Variants in ATRNL1 observed in about 807,000 individuals in gnomAD.
The protein encoded by ATRNL1 is attractin-like protein 1.
Under a neutral mutation model 182.7 loss-of-function variants are expected in ATRNL1, and 95 were observed. The ratio of observed to expected loss-of-function variants is 0.52; its 90% confidence interval spans 0.44 to 0.62. The LOEUF (loss-of-function observed/expected upper bound fraction) is 0.62. Among genes scored for constraint, ATRNL1 ranks in the 20% least tolerant of loss-of-function variants. The pLI is 0.00. For synonymous variants in ATRNL1, 576 were observed against 568.3 expected, an observed-to-expected ratio of 1.01 and a Z score of -0.19; for missense variants, 1,471 against 1,679.5, an observed-to-expected ratio of 0.88 and a Z score of 2.17.
chr10:115,346,268 C>G (rs1554939681), intron 19 of ATRNL1, among the ~76,000 whole-genome samples: 4 of 152,148 alleles, frequency 2.6e-5, no homozygotes. Flanking sequence ...CCCACTCCCC[C>G]ACCTCCTTCC....
chr10:115,494,734 C>A (rs12251569), intron 24 of ATRNL1, among the ~76,000 whole-genome samples: 2,082 of 152,238 alleles, frequency 0.014, 45 homozygotes, highest in African/African-American at 0.048. Context: ...CTGCTCAATT[C>A]ACTTTGCTAG....
chr10:115,534,488 T>C (rs1851830325), intron 25 of ATRNL1, among the ~76,000 whole-genome samples: 1 of 152,268 alleles, frequency 6.6e-6, no homozygotes, highest in Non-Finnish European at 1.5e-5. Context: ...CATTTTGAGC[T>C]TATGTGTGTC....
chr10:115,808,434 A>G (rs1290759220), intron 27 of ATRNL1, among the ~76,000 whole-genome samples: 1 of 152,116 alleles, frequency 6.6e-6, no homozygotes, highest in Admixed American at 6.6e-5. Context: ...CAGTTTATGG[A>G]CTTTTGGCTT....
At chr10:115,401,267 A>G (rs675802) in intron 20 of ATRNL1, among the ~76,000 whole-genome samples, 57,878 of 151,928 alleles carry the variant, frequency 0.38, 12,201 homozygotes, top group African/African-American at 0.57. Flanking sequence ...CAGTAGATCT[A>G]CAAACTCACT....
chr10:115,230,907 GAGAGAGAGAGAGAGAA>G (rs1385408095), intron 9 of ATRNL1, among the ~76,000 whole-genome samples: 24 of 142,256 alleles, frequency 1.7e-4, no homozygotes, highest in African/African-American at 6.1e-4. Flanking sequence ...GAGAGAGAGA[GAGAGAGAGAGAGAGAA>G]AGAGAGAAAT....
intron 21 of ATRNL1, among the ~76,000 whole-genome samples, chr10:115,435,356 A>G (rs1246239629): frequency 6.6e-6 from 1 of 152,104 alleles, no homozygotes; most frequent in African/African-American, 2.4e-5. Context: ...TTGTGCTGTT[A>G]TTGAAAGGCA....
At chr10:115,653,426 C>T (rs1333662371) in intron 26 of ATRNL1, among the ~76,000 whole-genome samples, 1 of 152,160 alleles carries the variant, frequency 6.6e-6, no homozygotes, top group Admixed American at 6.5e-5. Context: ...TCTCTTCACC[C>T]TAACTGGCTT....
intron 19 of ATRNL1, among the ~76,000 whole-genome samples, chr10:115,383,888 T>C (rs1349450864): frequency 1.3e-5 from 2 of 152,038 alleles, no homozygotes; most frequent in Non-Finnish European, 2.9e-5. Flanking sequence ...GTTTTGTTTA[T>C]TTTATGTAAG....
At chr10:115,133,425 C>G (rs1317734724) in intron 5 of ATRNL1, among the ~76,000 whole-genome samples, 5 of 152,044 alleles carry the variant, frequency 3.3e-5, no homozygotes, top group Non-Finnish European at 7.4e-5. Context: ...AGACTTTAAA[C>G]CAACAAACAT....
intron 1 of ATRNL1, chr10:115,096,654 C>T (rs1335679620): frequency 3.9e-6 from 5 of 1,288,590 alleles, no homozygotes; most frequent in East Asian, 5.6e-5. Flanking sequence ...GGGATTTCGC[C>T]AGGGAATAAA....
intron 21 of ATRNL1, among the ~76,000 whole-genome samples, chr10:115,455,051 G>A (rs1365376810): frequency 1.3e-5 from 2 of 152,020 alleles, no homozygotes; most frequent in African/African-American, 4.8e-5. Context: ...TATGATCTCT[G>A]TTGTGTTAAT....
chr10:115,285,195 A>G (rs1239161748), intron 14 of ATRNL1, among the ~76,000 whole-genome samples: 4 of 152,154 alleles, frequency 2.6e-5, no homozygotes, highest in Non-Finnish European at 4.4e-5. Flanking sequence ...TTTTAAATGA[A>G]TAAATACATG....
At chr10:115,567,162 T>C (rs990999329) in intron 26 of ATRNL1, among the ~76,000 whole-genome samples, 1 of 152,170 alleles carries the variant, frequency 6.6e-6, no homozygotes, top group Non-Finnish European at 1.5e-5. Context: ...ATAGTGAAGA[T>C]TGAGTGTAGA....
At chr10:115,771,380 G>A (rs1000014958) in intron 27 of ATRNL1, among the ~76,000 whole-genome samples, 2 of 151,998 alleles carry the variant, frequency 1.3e-5, no homozygotes, top group Non-Finnish European at 2.9e-5. Flanking sequence ...ACAGGCGCCC[G>A]CCACCACACC....
At chr10:115,610,099 G>C (rs944235681) in intron 26 of ATRNL1, among the ~76,000 whole-genome samples, 6 of 152,104 alleles carry the variant, frequency 3.9e-5, no homozygotes, top group Non-Finnish European at 7.4e-5. Flanking sequence ...AAAACTTTCA[G>C]TTTGTGAGAT....
At chr10:115,351,391 A>G (rs1554941280) in intron 19 of ATRNL1, among the ~76,000 whole-genome samples, 2 of 151,856 alleles carry the variant, frequency 1.3e-5, no homozygotes, top group Admixed American at 1.3e-4. Flanking sequence ...ATTGTTTTAT[A>G]TGACCTTTAT....
chr10:115,153,548 G>T (rs995204873), intron 5 of ATRNL1, among the ~76,000 whole-genome samples: 8 of 151,958 alleles, frequency 5.3e-5, no homozygotes, highest in Non-Finnish European at 7.4e-5. Context: ...CTTTGGGATC[G>T]GTGGTGATAT....
chr10:115,256,093 A>C (rs1442311883), intron 10 of ATRNL1, among the ~76,000 whole-genome samples: 1 of 152,132 alleles, frequency 6.6e-6, no homozygotes, highest in Non-Finnish European at 1.5e-5. Flanking sequence ...TTGGTCTAAA[A>C]TTCTCTTTTT....
At chr10:115,572,367 A>C (rs1436374496) in intron 26 of ATRNL1, among the ~76,000 whole-genome samples, 2 of 152,086 alleles carry the variant, frequency 1.3e-5, no homozygotes, top group African/African-American at 2.4e-5. Flanking sequence ...AGACAGAGGA[A>C]AATTTAGGAT....
Sources: gnomAD v4.1 joint callset for allele counts (sites outside exome capture counted in the v4.1 genomes callset) on GRCh38, gnomAD v4.1.1 for gene constraint, MANE v1.5 for transcripts, NCBI Gene and HGNC (gene_info 2026-07-23, HGNC 2026-07-21) for gene names.